Variants in SS18L2 observed in about 807,000 individuals in gnomAD.
The protein encoded by SS18L2 is SS18-like protein 2.
Under a neutral mutation model 10.3 loss-of-function variants are expected in SS18L2, and 8 were observed. That is an observed-to-expected ratio of 0.78 (90% CI 0.46 to 1.41). The LOEUF is 1.41. Ranked by LOEUF, SS18L2 falls within the 40% of genes most tolerant of loss-of-function variation. The pLI, the probability that SS18L2 is intolerant of heterozygous loss-of-function variation, is 0.00. For missense variants in SS18L2, 100 were observed against 96.2 expected (o/e 1.04, Z -0.17); for synonymous variants, 41 against 34.6 (o/e 1.19, Z -0.65).
chr3:42,582,424 G>A (rs17074611), intron 1 of SS18L2: 3,942 of 152,520 alleles, frequency 0.026, 71 homozygotes, highest in African/African-American at 0.051. Flanking sequence ...AGCCTGGATG[G>A]GGCGCCAAAG....
rs1412675244 is a variant in SS18L2, at chr3:42,590,954, G to A, written c.57G>A (p.Glu19=). 1.1e-6 allele frequency: 1 copy of A among 871,058 alleles called. No individual in the cohort carries two copies. Among genetic ancestry groups the A allele is most frequent in the South Asian group, 1.3e-5 (1 of 77,414 alleles). The allele number at this position is 871,058 out of a possible 1,614,324, so 54.0% of individuals were successfully genotyped here. A position where few individuals can be genotyped will look rare whatever the true frequency, so the allele number is the denominator to read the frequency against. ...WLRGKAEVNQ[E]TIQRLLEEND... ...GGGGCAAGGCGGAAGTCAATCAAGA[G>A]ACTATCCAGCGGGTGAGCATCCACG... Residue 19 remains glutamate (E), a synonymous_variant, in exon 1 of 3, where the codon GAG becomes GAA. Transcript: ENST00000011691.
rs1173707980 is a variant in SS18L2 at position 42,596,887 on chromosome 3, T to C, written c.*2378T>C. Among the ~76,000 whole-genome samples the C allele has an allele frequency of 6.6e-6, 1 of 152,224 alleles. No homozygotes were observed. Among genetic ancestry groups the C allele is most frequent in the African/African-American group, 2.4e-5 (1 of 41,460 alleles). On this transcript the variant is annotated 3_prime_UTR_variant, in exon 3 of 3. Transcript: ENST00000011691. ...ATAAGAATGAATTCTAGGTTTAAAG[T>C]TGTTTAAGTATATCCCAAATTAAAT...
In SS18L2 at chr3:42,595,349, C is replaced by T. The variant is rs1051219617; in HGVS notation, c.*840C>T. Among the ~76,000 whole-genome samples the T allele has an allele frequency of 1.3e-5, 2 of 152,168 alleles. No individual in the cohort carries two copies. The highest frequency in any genetic ancestry group is 4.8e-5 in the African/African-American group (2 of 41,428). ...TACCCTAGAATTCTCTCGTGTTCTA[C>T]ATACAGTTGTATCTCTGTAGTGTTG... On this transcript the variant is annotated 3_prime_UTR_variant, in exon 3 of 3. Coordinates refer to ENST00000011691, the MANE Select transcript of SS18L2 (RefSeq NM_001370300.1).
At chr3:42,586,792 C>T (rs1383158917), upstream of SS18L2, among the ~76,000 whole-genome samples, 3 of 152,178 alleles carry the variant, frequency 2.0e-5, no homozygotes, top group Non-Finnish European at 4.4e-5. Context: ...TCCAACCTAG[C>T]CTTTGTCCCT....
chr3:42,590,410 C>A (rs190404530), upstream of SS18L2, among the ~76,000 whole-genome samples: 361 of 152,108 alleles, frequency 2.4e-3, 3 homozygotes, highest in Non-Finnish European at 2.5e-3. Flanking sequence ...GCGGGCGGAT[C>A]ACGAGGTCAG....
chr3:42,593,837 C>A (rs1250793811), intron 2 of SS18L2, among the ~76,000 whole-genome samples: 2 of 152,072 alleles, frequency 1.3e-5, no homozygotes, highest in East Asian at 1.9e-4. Context: ...GCCAGCTATG[C>A]AGTAGTAAGG....
chr3:42,590,999 A>G lies in SS18L2; in HGVS notation c.69+33A>G, dbSNP rs1386401502. 1.5e-5 allele frequency: 23 copies of G among 1,553,496 alleles called. No individual in the cohort carries two copies. In the East Asian group the frequency reaches 5.5e-4, roughly 37 times the overall value. On this transcript the variant is annotated intron_variant, in intron 1 of 2. Coordinates refer to ENST00000011691, the MANE Select transcript of SS18L2 (RefSeq NM_001370300.1). ...TCCACGCGGGCGGGCGGGCGGGCGG[A>G]GAGAAGTCGGGATCCCGAGGGGCTG...
chr3:42,582,060 C>T (rs867024217), intron 1 of SS18L2: 2 of 152,338 alleles, frequency 1.3e-5, no homozygotes, highest in Non-Finnish European at 2.9e-5. Flanking sequence ...CGACCAATCC[C>T]GGCGCGCCTC....
intron 1 of SS18L2, chr3:42,582,072 A>G (rs969020199): frequency 6.6e-6 from 1 of 152,130 alleles, no homozygotes; most frequent in Non-Finnish European, 1.5e-5. Context: ...GCGCGCCTCC[A>G]CAGCCCCCGT....
chr3:42,582,288 G>A (rs904869446), intron 1 of SS18L2: 3 of 152,326 alleles, frequency 2.0e-5, no homozygotes, highest in Non-Finnish European at 4.4e-5. Context: ...GTAGCAACCG[G>A]ACTGACGTCT....
At chr3:42,587,363 T>C (rs1448986014), upstream of SS18L2, 1 of 152,208 alleles carries the variant, frequency 6.6e-6, no homozygotes, top group African/African-American at 2.4e-5. Flanking sequence ...AACAGGTTGG[T>C]CCCCTATAAC....
chr3:42,590,637 A>G (rs1704787610), upstream of SS18L2, among the ~76,000 whole-genome samples: 1 of 151,718 alleles, frequency 6.6e-6, no homozygotes, highest in South Asian at 2.1e-4. Context: ...GACGCCAGGT[A>G]GGTCAGCAGT....
chr3:42,592,136 G>C (rs1274522045), intron 2 of SS18L2, among the ~76,000 whole-genome samples: 1 of 152,124 alleles, frequency 6.6e-6, no homozygotes, highest in Admixed American at 6.5e-5. Context: ...ATACCAAAAT[G>C]AGAGAAAATA....
At chr3:42,589,622 G>A (rs546150592), upstream of SS18L2, among the ~76,000 whole-genome samples, 17 of 152,294 alleles carry the variant, frequency 1.1e-4, no homozygotes, top group Admixed American at 1.0e-3. Flanking sequence ...AGGATCAGCG[G>A]GAGCATTAGA....
upstream of SS18L2, among the ~76,000 whole-genome samples, chr3:42,590,532 A>T (rs1704783020): frequency 6.6e-6 from 1 of 151,418 alleles, no homozygotes; most frequent in African/African-American, 2.4e-5. Context: ...GCTTGCAGTG[A>T]GCTGAGATGC....
rs771319018 is a variant in SS18L2 at position 42,596,069 on chromosome 3, C to G, written c.*1560C>G. Among the ~76,000 whole-genome samples, 2 of 151,352 alleles carry G rather than the reference C, an allele frequency of 1.3e-5. No homozygotes were observed. The highest frequency in any genetic ancestry group is 6.6e-5 in the Admixed American group (1 of 15,178). On this transcript the variant is annotated 3_prime_UTR_variant, in exon 3 of 3. Transcript: ENST00000011691. ...TTTTTGAGACGGAATCTCGCTCTGT[C>G]GGAGTGCAGTGGTGCAATTTTGGCT...
At chr3:42,590,725 G>A (rs68004576), upstream of SS18L2, 80,875 of 712,242 alleles carry the variant, frequency 0.11, 5,692 homozygotes, top group African/African-American at 0.24. Flanking sequence ...CCGGCGTTCT[G>A]GGGGCTGGGA....
chr3:42,587,306 CTGCCTTTATAA>C (rs1443683911), upstream of SS18L2: 1 of 152,298 alleles, frequency 6.6e-6, no homozygotes, highest in Non-Finnish European at 1.5e-5. Context: ...TGCCTTTATA[CTGCCTTTATAA>C]ACCTTTTCTT....
rs1704974386 is a variant in SS18L2 at position 42,594,643 on chromosome 3, T to C, written c.*134T>C. On this transcript the variant is annotated 3_prime_UTR_variant, in exon 3 of 3. Coordinates refer to ENST00000011691, the MANE Select transcript of SS18L2 (RefSeq NM_001370300.1). The stretch of plus-strand genomic sequence containing the variant: ...AAAACATGAATGAAACCTCTGTGGC[T>C]CTTTCGAAACGTGAAAATGTGAAGA... 1 of 670,958 alleles carries C rather than the reference T, an allele frequency of 1.5e-6. No individual in the cohort carries two copies. The highest frequency in any genetic ancestry group is 2.2e-5 in the South Asian group (1 of 45,960). The allele number at this position is 670,958 out of a possible 1,614,324, so 41.6% of individuals were successfully genotyped here.
Sources: allele counts gnomAD v4.1 joint callset (sites outside exome capture counted in the v4.1 genomes callset), GRCh38; gene constraint gnomAD v4.1.1; transcripts MANE v1.5; gene names NCBI Gene and HGNC (gene_info 2026-07-23, HGNC 2026-07-21).